SAMD12: variants seen among roughly 807,000 people sequenced by gnomAD.
SAMD12 encodes the protein sterile alpha motif domain-containing protein 12.
Under a neutral mutation model 15.0 loss-of-function variants are expected in SAMD12, and 9 were observed. That is an observed-to-expected ratio of 0.60 (90% CI 0.36 to 1.05). The LOEUF is 1.05. Ranked by LOEUF, SAMD12 falls within the 50% of genes least tolerant of loss-of-function variation. SAMD12 has a pLI of 0.01. For missense variants in SAMD12, 230 were observed against 234.2 expected (o/e 0.98, Z 0.12); for synonymous variants, 86 against 90.1 (o/e 0.96, Z 0.25).
intron 3 of SAMD12, among the ~76,000 whole-genome samples, chr8:118,412,105 A>G (rs1023406629): frequency 1.3e-5 from 2 of 152,224 alleles, no homozygotes; most frequent in Middle Eastern, 3.2e-3. Context: ...TAAAGCCAAG[A>G]AACACAGAGA....
At chr8:118,399,612 T>C (rs552654834) in intron 3 of SAMD12, among the ~76,000 whole-genome samples, 4 of 152,274 alleles carry the variant, frequency 2.6e-5, no homozygotes, top group South Asian at 2.1e-4. Flanking sequence ...CCCTGTGGGG[T>C]TGGCAGAGGT....
the SAMD12 span, among the ~76,000 whole-genome samples, chr8:118,152,927 G>A: frequency 6.6e-6 from 1 of 152,224 alleles, no homozygotes; most frequent in Non-Finnish European, 1.5e-5. Flanking sequence ...TTTTAAAATG[G>A]TGACTGAAAG....
intron 1 of SAMD12, among the ~76,000 whole-genome samples, chr8:118,585,263 C>A (rs1287065733): frequency 1.3e-5 from 2 of 152,052 alleles, no homozygotes; most frequent in East Asian, 3.8e-4. Flanking sequence ...GAAAATAGAA[C>A]AATGGCTACA....
At chr8:118,190,990 T>A (rs1453862931) in exon 5 of SAMD12, 1 of 152,232 alleles carries the variant, frequency 6.6e-6, no homozygotes, top group Admixed American at 6.5e-5. Flanking sequence ...GTTACAAGAT[T>A]GATCTTTTCT....
chr8:118,473,916 G>A (rs2130971643), intron 2 of SAMD12, among the ~76,000 whole-genome samples: 1 of 152,190 alleles, frequency 6.6e-6, no homozygotes, highest in Non-Finnish European at 1.5e-5. Flanking sequence ...CACTGACTTG[G>A]TTATATCCCC....
chr8:118,410,554 A>G (rs1035873876), intron 3 of SAMD12, among the ~76,000 whole-genome samples: 1 of 152,156 alleles, frequency 6.6e-6, no homozygotes, highest in Non-Finnish European at 1.5e-5. Context: ...GGTGTTTGCT[A>G]TGTTAGGAGG....
intron 4 of SAMD12, among the ~76,000 whole-genome samples, chr8:118,200,168 CTG>C (rs1407758509): frequency 2.6e-5 from 4 of 152,124 alleles, no homozygotes; most frequent in Non-Finnish European, 4.4e-5. Context: ...CCACGTGGAA[CTG>C]TGAGTCAATT....
the SAMD12 span, among the ~76,000 whole-genome samples, chr8:118,147,601 C>T: frequency 1.3e-5 from 2 of 152,096 alleles, no homozygotes; most frequent in Non-Finnish European, 2.9e-5. Flanking sequence ...ACTTCATGAT[C>T]TGCCTGCCTC....
At chr8:118,493,330 T>C (rs1824502401) in intron 2 of SAMD12, among the ~76,000 whole-genome samples, 1 of 152,150 alleles carries the variant, frequency 6.6e-6, no homozygotes, top group African/African-American at 2.4e-5. Flanking sequence ...TCAGACCTCA[T>C]CAGCTCTCAC....
chr8:118,602,998 T>C (rs1178140724), intron 1 of SAMD12, among the ~76,000 whole-genome samples: 1 of 152,148 alleles, frequency 6.6e-6, no homozygotes, highest in Non-Finnish European at 1.5e-5. Flanking sequence ...AATAGGATGC[T>C]GAATTTTTTT....
chr8:118,569,573 C>A (rs1826948805), intron 2 of SAMD12, among the ~76,000 whole-genome samples: 2 of 152,076 alleles, frequency 1.3e-5, no homozygotes, highest in South Asian at 2.1e-4. Context: ...GAAAGTAGGG[C>A]CTTTGAGAGG....
At chr8:118,559,747 G>A (rs1826653133) in intron 2 of SAMD12, among the ~76,000 whole-genome samples, 2 of 152,230 alleles carry the variant, frequency 1.3e-5, no homozygotes, top group South Asian at 2.1e-4. Context: ...AAAATCTAGT[G>A]TGTAACACTT....
chr8:118,213,760 A>T (rs890903692), intron 4 of SAMD12, among the ~76,000 whole-genome samples: 32 of 152,192 alleles, frequency 2.1e-4, no homozygotes, highest in Middle Eastern at 3.2e-3. Flanking sequence ...CTGACTCCTG[A>T]ACTGAAACTC....
intron 1 of SAMD12, among the ~76,000 whole-genome samples, chr8:118,617,835 G>C (rs928632533): frequency 6.6e-6 from 1 of 152,012 alleles, no homozygotes; most frequent in Non-Finnish European, 1.5e-5. Flanking sequence ...ATACGACACT[G>C]TCCCCAATGA....
chr8:118,179,986 C>T, the SAMD12 span, among the ~76,000 whole-genome samples: 6 of 152,206 alleles, frequency 3.9e-5, no homozygotes, highest in Non-Finnish European at 8.8e-5. Flanking sequence ...AGAAACAACA[C>T]TCAGCATCAA....
chr8:118,526,263 C>G (rs749201878), intron 2 of SAMD12, among the ~76,000 whole-genome samples: 1 of 152,068 alleles, frequency 6.6e-6, no homozygotes, highest in Non-Finnish European at 1.5e-5. Context: ...ATAATTATGC[C>G]GGAGGTCACA....
chr8:118,484,778 A>G (rs1824230656), intron 2 of SAMD12, among the ~76,000 whole-genome samples: 1 of 152,132 alleles, frequency 6.6e-6, no homozygotes, highest in Non-Finnish European at 1.5e-5. Context: ...GAAGCAGAAG[A>G]TGGCCAGAAA....
chr8:118,246,136 G>A (rs1307463162), intron 4 of SAMD12, among the ~76,000 whole-genome samples: 1 of 152,108 alleles, frequency 6.6e-6, no homozygotes, highest in African/African-American at 2.4e-5. Context: ...GATGAATATG[G>A]CAGGAAACGC....
chr8:118,442,932 G>A (rs1822803171), intron 2 of SAMD12, among the ~76,000 whole-genome samples: 1 of 152,156 alleles, frequency 6.6e-6, no homozygotes. Context: ...GGGAAAGGGA[G>A]GACGCTCAGC....
Sources: gnomAD v4.1 joint callset for allele counts (sites outside exome capture counted in the v4.1 genomes callset) on GRCh38, gnomAD v4.1.1 for gene constraint, MANE v1.5 for transcripts, NCBI Gene and HGNC (gene_info 2026-07-23, HGNC 2026-07-21) for gene names.